Variants in TRPC4AP observed in about 807,000 individuals in gnomAD.
TRPC4AP encodes transient receptor potential cation channel subfamily C member 4 associated protein.
Under a neutral mutation model 99.0 loss-of-function variants are expected in TRPC4AP, and 45 were observed. The observed-to-expected ratio is 0.45, with a 90% CI of 0.36 to 0.58. The LOEUF (loss-of-function observed/expected upper bound fraction) is 0.58, where lower values mean the gene tolerates loss of function less well. TRPC4AP is among the 20% of genes least tolerant of loss of function. The probability of loss-of-function intolerance (pLI) is 0.00; values close to 1 mark genes in which losing one functional copy is unlikely to be tolerated. For missense variants in TRPC4AP, 879 were observed against 985.3 expected (o/e 0.89, Z 1.44); for synonymous variants, 408 against 385.8 (o/e 1.06, Z -0.67).
chr20:35,073,611 A>G (rs184420209), intron 2 of TRPC4AP, among the ~76,000 whole-genome samples: 1 of 152,354 alleles, frequency 6.6e-6, no homozygotes, highest in African/African-American at 2.4e-5. Context: ...CTTGTATCCC[A>G]GGGATGAAGC....
At chr20:35,006,926 T>C (rs1240876567) in intron 14 of TRPC4AP, among the ~76,000 whole-genome samples, 1 of 152,218 alleles carries the variant, frequency 6.6e-6, no homozygotes, top group Non-Finnish European at 1.5e-5. Flanking sequence ...GCCTAAGCAC[T>C]GAGGTCATTC....
intron 12 of TRPC4AP, among the ~76,000 whole-genome samples, chr20:35,009,008 C>A (rs149586704): frequency 6.6e-6 from 1 of 152,208 alleles, no homozygotes; most frequent in Non-Finnish European, 1.5e-5. Context: ...TGGCTTAGAA[C>A]TGCCAGAGGA....
At chr20:35,035,501 G>A (rs1416625039) in intron 7 of TRPC4AP, among the ~76,000 whole-genome samples, 193 bp from the exon 8 acceptor site, 6 of 152,142 alleles carry the variant, frequency 3.9e-5, no homozygotes, top group Admixed American at 6.5e-5. Flanking sequence ...TTTTTAGCAG[G>A]TACAGGGAAA....
At chr20:35,035,036 T>G (rs931160056) in intron 8 of TRPC4AP, 87 bp downstream of exon 8, 1 of 1,406,384 alleles carries the variant, frequency 7.1e-7, no homozygotes, top group Non-Finnish European at 9.7e-7. Flanking sequence ...AAATCTCAAA[T>G]TAATCCTTCT....
chr20:35,074,755 G>A (rs1037866722), intron 2 of TRPC4AP, among the ~76,000 whole-genome samples: 1 of 152,166 alleles, frequency 6.6e-6, no homozygotes, highest in Non-Finnish European at 1.5e-5. Flanking sequence ...TGTTGATTTG[G>A]GGTGGAGAGT....
At chr20:35,008,629 C>T in intron 13 of TRPC4AP, 35 bp downstream of exon 13, 1 of 1,596,640 alleles carries the variant, frequency 6.3e-7, no homozygotes. Flanking sequence ...CTCTGCAGCC[C>T]CGCAGAATCG....
intron 8 of TRPC4AP, among the ~76,000 whole-genome samples, chr20:35,024,094 CT>C (rs2082957749): frequency 6.6e-6 from 1 of 151,176 alleles, no homozygotes; most frequent in Admixed American, 6.6e-5. Flanking sequence ...CACTCTCTGT[CT>C]GCACTGCACT....
intron 2 of TRPC4AP, among the ~76,000 whole-genome samples, chr20:35,076,580 A>G (rs940793782): frequency 3.9e-5 from 6 of 152,188 alleles, no homozygotes; most frequent in African/African-American, 9.7e-5. Flanking sequence ...AGAACAGCAA[A>G]TATTGCAGAA....
chr20:35,018,959 G>T (rs2082822522), intron 9 of TRPC4AP, among the ~76,000 whole-genome samples: 1 of 152,154 alleles, frequency 6.6e-6, no homozygotes, highest in Admixed American at 6.5e-5. Flanking sequence ...GCTACTCAGG[G>T]GGCACTAAAA....
rs1345503183 is a variant in TRPC4AP, at chr20:35,021,268, C to T, written c.1140G>A (p.Lys380=). Residue 380 remains lysine (K), a synonymous_variant, in exon 9 of 19, where the codon AAG becomes AAA. Transcript: ENST00000252015. ...SARTQLPQSM[K]IMHEIMYKLE... ...GTTTGTACATGATCTCATGCATAAT[C>T]TTCATTGACTGGGGCAGCTGGGTTC... 1 of 1,614,186 alleles carries T rather than the reference C, an allele frequency of 6.2e-7. No individual in the cohort carries two copies. Among genetic ancestry groups the T allele is most frequent in the Non-Finnish European group, 8.5e-7 (1 of 1,180,032 alleles).
intron 8 of TRPC4AP, among the ~76,000 whole-genome samples, chr20:35,027,072 T>A (rs950731430): frequency 6.6e-6 from 1 of 152,112 alleles, no homozygotes; most frequent in African/African-American, 2.4e-5. Context: ...GAACCTCCAA[T>A]ACGATGCTGA....
At chr20:35,074,959 T>C (rs1335883618) in intron 2 of TRPC4AP, among the ~76,000 whole-genome samples, 1 of 152,246 alleles carries the variant, frequency 6.6e-6, no homozygotes, top group African/African-American at 2.4e-5. Flanking sequence ...ATTGGGTACA[T>C]ACATATTTAG....
At position 35,027,852 on chromosome 20, in the gene TRPC4AP, C is replaced by T. The variant is rs79871468; in HGVS notation, c.1052-6496G>A. ...CTTTCTTAAGGTTGGTTGTAACGTACCTTCTTTCATTTCTAATTTAGTAAT... is the reference window on the plus strand; with the variant it reads ...CTTTCTTAAGGTTGGTTGTAACGTATCTTCTTTCATTTCTAATTTAGTAAT... On this transcript the variant is annotated intron_variant, in intron 8 of 18. Coordinates refer to ENST00000252015, the MANE Select transcript of TRPC4AP (RefSeq NM_015638.3). Among the ~76,000 whole-genome samples the T allele has an allele frequency of 3.2e-3, 486 of 151,998 alleles. 2 individuals are homozygous for T. The highest frequency in any genetic ancestry group is 5.7e-3 in the Non-Finnish European group (389 of 67,976).
chr20:35,068,974 C>CA (rs1432208684), intron 3 of TRPC4AP, among the ~76,000 whole-genome samples: 13 of 52,278 alleles, frequency 2.5e-4, no homozygotes, highest in Middle Eastern at 0.01. Flanking sequence ...CACACACACA[C>CA]ACACAAAAAA....
At chr20:35,084,624 G>T in intron 1 of TRPC4AP, among the ~76,000 whole-genome samples, 1 of 114,988 alleles carries the variant, frequency 8.7e-6, no homozygotes, top group Admixed American at 9.6e-5. Flanking sequence ...ATGTTTATAT[G>T]CATATATGTG....
rs756834346 is a variant in TRPC4AP, at chr20:35,004,446, G to A, written c.2049+12C>T. ...CGACCTTCCCTGCTGTGTGTCTGCC[G>A]GGGCCTCTCACCTGGGTCAGCGTCT... On this transcript the variant is annotated intron_variant, in intron 17 of 18. Coordinates refer to ENST00000252015, the MANE Select transcript of TRPC4AP (RefSeq NM_015638.3). 2.0e-4 allele frequency: 329 copies of A among 1,608,308 alleles called. 3 individuals are homozygous for A. In the South Asian group the frequency reaches 3.2e-3, roughly 15 times the overall value.
intron 3 of TRPC4AP, among the ~76,000 whole-genome samples, chr20:35,067,867 G>C (rs1373054020): frequency 1.3e-5 from 2 of 152,096 alleles, no homozygotes; most frequent in Non-Finnish European, 2.9e-5. Flanking sequence ...TAGAGGTAGG[G>C]GAGTGCTAGA....
At chr20:35,020,454 C>T (rs1304888112) in intron 9 of TRPC4AP, among the ~76,000 whole-genome samples, 1 of 152,020 alleles carries the variant, frequency 6.6e-6, no homozygotes, top group African/African-American at 2.4e-5. Context: ...GGCACTGCCC[C>T]CTCCCACCTG....
chr20:35,010,153 T>C, intron 12 of TRPC4AP, 34 bp downstream of exon 12: 2 of 1,598,012 alleles, frequency 1.3e-6, no homozygotes, highest in Non-Finnish European at 1.7e-6. Context: ...GCAGCCGGGA[T>C]GGGCTGAGGG....
Sources: allele counts gnomAD v4.1 joint callset (sites outside exome capture counted in the v4.1 genomes callset), GRCh38; gene constraint gnomAD v4.1.1; transcripts MANE v1.5; gene names NCBI Gene and HGNC (gene_info 2026-07-23, HGNC 2026-07-21).